The following DNMBP variants were observed in gnomAD, a reference collection of about 807,000 sequenced individuals.
DNMBP encodes dynamin binding protein.
DNMBP carries 87 observed loss-of-function variants against 150.0 expected under a neutral mutation model. The ratio of observed to expected loss-of-function variants is 0.58; its 90% CI spans 0.49 to 0.69. DNMBP has a LOEUF of 0.69. DNMBP is among the 30% of genes least tolerant of loss of function. The pLI is 0.00. For synonymous variants in DNMBP, 711 were observed against 750.4 expected (o/e 0.95, Z 0.86); for missense variants, 1,774 against 1,949.0 (o/e 0.91, Z 1.69).
chr10:99,978,223 C>T (rs539549288), intron 1 of DNMBP, among the ~76,000 whole-genome samples: 2 of 152,284 alleles, frequency 1.3e-5, no homozygotes, highest in African/African-American at 4.8e-5. Context: ...GATTCCCATG[C>T]CCACGTTCTT....
intron 4 of DNMBP, among the ~76,000 whole-genome samples, chr10:99,925,958 G>A (rs1303327071): frequency 6.6e-6 from 1 of 152,096 alleles, no homozygotes; most frequent in East Asian, 1.9e-4. Flanking sequence ...CTTCCTTCCA[G>A]TAATAACATA....
chr10:100,001,429 T>G lies in DNMBP; in HGVS notation c.-11+8409A>C, dbSNP rs868479957. ...GTTGTTGTTGTTTTTTTTTTTTTTTTGAGACAGGGTCTCACTCTGTTGCCC... is the reference window on the plus strand; with the variant it reads ...GTTGTTGTTGTTTTTTTTTTTTTTTGGAGACAGGGTCTCACTCTGTTGCCC... On this transcript the variant is annotated intron_variant, in intron 1 of 16. Transcript: ENST00000324109. Among the ~76,000 whole-genome samples the G allele has an allele frequency of 8.1e-3, 1,169 of 144,196 alleles. 17 individuals are homozygous for G. Among genetic ancestry groups the G allele is most frequent in the African/African-American group, 0.028 (1,076 of 38,280 alleles). 94.6% of individuals were successfully genotyped at this position (144,196 alleles called of 152,430 possible).
chr10:99,953,825 G>GA (rs1387626806), intron 4 of DNMBP, among the ~76,000 whole-genome samples: 4 of 61,912 alleles, frequency 6.5e-5, no homozygotes, highest in Admixed American at 1.5e-4. Flanking sequence ...AAAAAAAAAA[G>GA]AAAAAAAAGA....
At chr10:100,001,638 C>A (rs1398517425) in intron 1 of DNMBP, among the ~76,000 whole-genome samples, 1 of 152,036 alleles carries the variant, frequency 6.6e-6, no homozygotes, top group Non-Finnish European at 1.5e-5. Flanking sequence ...GTCTTGAACT[C>A]CTGAGCTCAA....
At chr10:99,894,348 A>G (rs1415403771) in intron 11 of DNMBP, among the ~76,000 whole-genome samples, 2 of 152,248 alleles carry the variant, frequency 1.3e-5, no homozygotes, top group South Asian at 2.1e-4. Context: ...AGAGACAAGA[A>G]TAGAAAGGAT....
intron 11 of DNMBP, among the ~76,000 whole-genome samples, chr10:99,892,232 C>G (rs1380552877): frequency 6.6e-6 from 1 of 150,490 alleles, no homozygotes; most frequent in African/African-American, 2.5e-5. Flanking sequence ...CGCCTCTGCC[C>G]GGCCACCACC....
chr10:99,908,273 C>T (rs2039851536), intron 5 of DNMBP, among the ~76,000 whole-genome samples, 179 bp from the exon 6 acceptor site: 1 of 152,208 alleles, frequency 6.6e-6, no homozygotes, highest in South Asian at 2.1e-4. Context: ...CATCCTTTGT[C>T]CTTGATCCAA....
In DNMBP at chr10:99,921,168, T is replaced by G. The variant is rs561248472; in HGVS notation, c.2261-12022A>C. On this transcript the variant is annotated intron_variant, in intron 4 of 16. Coordinates refer to ENST00000324109, the MANE Select transcript of DNMBP (RefSeq NM_015221.4). ...ATTATGAAACCTGTAACAACAAAGTTTAATGGTCTGTTTCCCTATTAGTCC... is the reference window on the plus strand; with the variant it reads ...ATTATGAAACCTGTAACAACAAAGTGTAATGGTCTGTTTCCCTATTAGTCC... 1.5e-3 allele frequency among the ~76,000 whole-genome samples: 234 copies of G among 152,304 alleles called. 1 individual carries two copies. The highest frequency in any genetic ancestry group is 0.012 in the South Asian group (58 of 4,824).
rs774932499 is a variant in DNMBP at position 99,894,977 on chromosome 10, C to T, written c.3125G>A (p.Arg1042Gln). Residue 1042 changes from arginine (R) to glutamine (Q), a missense_variant, in exon 11 of 17, where the codon CGA (arginine) becomes CAA (glutamine). Physicochemically the swap from Arg to Gln is conservative, Grantham distance 43. Coordinates refer to ENST00000324109, the MANE Select transcript of DNMBP (RefSeq NM_015221.4). ...GTGCTGGAGGTAGAGAGACAGGTCT[C>T]GGATAAAAGACTTAATCAATCTTTC... Reference protein sequence around the residue: ...MQERLIKSFIRDLSLYLQHIR... With the variant: ...MQERLIKSFIQDLSLYLQHIR... 1.2e-5 allele frequency: 20 copies of T among 1,613,878 alleles called. 1 individual carries two copies. In the South Asian group the frequency reaches 1.3e-4, roughly 11 times the overall value.
rs1346291816 is a variant in DNMBP at position 100,001,410 on chromosome 10, G to GTTTTTTTTTTTTTTTTTTT, written c.-11+8427_-11+8428insAAAAAAAAAAAAAAAAAAA. ...ACAATTGTGATGGGGTTTTGTTGTTGTTGTTTTTTTTTTTTTTTTGAGACA... is the reference window on the plus strand; with the variant it reads ...ACAATTGTGATGGGGTTTTGTTGTTGTTTTTTTTTTTTTTTTTTTTTGTTTTTTTTTTTTTTTTGAGACA... On this transcript the variant is annotated intron_variant, in intron 1 of 16. Transcript: ENST00000324109. Among the ~76,000 whole-genome samples, 5 of 96,372 alleles carry GTTTTTTTTTTTTTTTTTTT rather than the reference G, an allele frequency of 5.2e-5. 1 individual carries two copies. Among genetic ancestry groups the GTTTTTTTTTTTTTTTTTTT allele is most frequent in the African/African-American group, 2.0e-4 (5 of 25,532 alleles). The allele number at this position is 96,372 out of a possible 152,430, so 63.2% of individuals were successfully genotyped here. A position where few individuals can be genotyped will look rare whatever the true frequency, so the allele number is the denominator to read the frequency against.
intron 4 of DNMBP, among the ~76,000 whole-genome samples, chr10:99,946,320 T>G (rs905421952): frequency 1.3e-5 from 2 of 152,220 alleles, no homozygotes; most frequent in Non-Finnish European, 2.9e-5. Flanking sequence ...ATGAAAACCT[T>G]TTTTTGATGT....
intron 4 of DNMBP, among the ~76,000 whole-genome samples, chr10:99,943,457 C>T (rs1373146926): frequency 1.3e-5 from 2 of 152,030 alleles, no homozygotes; most frequent in Non-Finnish European, 2.9e-5. Flanking sequence ...GTGTGGAGTG[C>T]AATGATATGA....
In DNMBP at chr10:99,896,193, G is replaced by A. The variant is rs569654482; in HGVS notation, c.3051+74C>T. On this transcript the variant is annotated intron_variant, in intron 10 of 16. Transcript: ENST00000324109. ...GAGGAAGGGAACCACGCCAATTGAC[G>A]CCAGGCAGGCTGTCTCATGGAGCCC... 9.1e-6 allele frequency: 14 copies of A among 1,538,692 alleles called. No homozygotes were observed. The African/African-American group carries it at 1.4e-4, about 15-fold the overall frequency.
chr10:99,966,123 A>G (rs2040616673), intron 3 of DNMBP, among the ~76,000 whole-genome samples: 1 of 152,244 alleles, frequency 6.6e-6, no homozygotes, highest in African/African-American at 2.4e-5. Flanking sequence ...TTGCATAGGT[A>G]TAACTAACTT....
At chr10:99,887,705 C>T (rs981533889) in intron 12 of DNMBP, among the ~76,000 whole-genome samples, 9 of 152,106 alleles carry the variant, frequency 5.9e-5, no homozygotes, top group African/African-American at 2.2e-4. Flanking sequence ...CTTTTTCACC[C>T]TCAGGCCACT....
chr10:100,004,402 A>G (rs990291138), intron 1 of DNMBP, among the ~76,000 whole-genome samples: 1 of 152,148 alleles, frequency 6.6e-6, no homozygotes, highest in Non-Finnish European at 1.5e-5. Context: ...TCATTAGGAC[A>G]TACTACAAAG....
chr10:99,972,273 C>T, intron 1 of DNMBP, 139 bp from the exon 2 acceptor site: 1 of 774,214 alleles, frequency 1.3e-6, no homozygotes, highest in Non-Finnish European at 1.9e-6. Flanking sequence ...GTTAGTACTT[C>T]CTATTTTATT....
chr10:99,983,224 C>G (rs1273475260), intron 1 of DNMBP, among the ~76,000 whole-genome samples: 1 of 152,098 alleles, frequency 6.6e-6, no homozygotes, highest in Admixed American at 6.6e-5. Flanking sequence ...GAACGAGAAT[C>G]CATTTAAAAA....
At chr10:99,936,109 T>G (rs1376463882) in intron 4 of DNMBP, among the ~76,000 whole-genome samples, 1 of 152,148 alleles carries the variant, frequency 6.6e-6, no homozygotes, top group Non-Finnish European at 1.5e-5. Context: ...ATTAAAATAA[T>G]CTACAAGTGA....
Sources: allele counts gnomAD v4.1 joint callset (sites outside exome capture counted in the v4.1 genomes callset), GRCh38; gene constraint gnomAD v4.1.1; transcripts MANE v1.5; gene names NCBI Gene and HGNC (gene_info 2026-07-23, HGNC 2026-07-21).